Variants in TNFRSF21 observed in about 807,000 individuals in gnomAD.
TNFRSF21 encodes TNF receptor superfamily member 21.
TNFRSF21 carries 19 observed loss-of-function variants against 45.6 expected under a neutral mutation model. That is an observed-to-expected ratio of 0.42 (90% confidence interval 0.29 to 0.61). The LOEUF (loss-of-function observed/expected upper bound fraction) is 0.61. Ranked by LOEUF, TNFRSF21 falls within the 20% of genes least tolerant of loss-of-function variation. The pLI is 0.23. For synonymous variants in TNFRSF21, 314 were observed against 335.5 expected, an observed-to-expected ratio of 0.94 and a Z score of 0.70; for missense variants, 737 against 851.5, an observed-to-expected ratio of 0.87 and a Z score of 1.67.
chr6:47,274,443 A>T (rs943389981), intron 3 of TNFRSF21, among the ~76,000 whole-genome samples: 1 of 152,208 alleles, frequency 6.6e-6, no homozygotes, highest in African/African-American at 2.4e-5. Context: ...CACATGTAGA[A>T]AGCTGAAACT....
chr6:47,261,988 T>C (rs1007929320), intron 3 of TNFRSF21, among the ~76,000 whole-genome samples: 1 of 152,218 alleles, frequency 6.6e-6, no homozygotes, highest in Non-Finnish European at 1.5e-5. Flanking sequence ...AAATAGTCCT[T>C]CCCTAACTGA....
Position 47,309,404 on chromosome 6 carries a change from G to A in TNFRSF21, c.96+12C>T. The A allele has an allele frequency of 2.0e-6, 3 of 1,533,450 alleles. No individual in the cohort carries two copies. The highest frequency in any genetic ancestry group is 2.6e-5 in the East Asian group (1 of 38,760). The allele number at this position is 1,533,450 out of a possible 1,614,324, so 95.0% of individuals were successfully genotyped here. On this transcript the variant is annotated intron_variant, in intron 1 of 5. Coordinates refer to ENST00000296861, the MANE Select transcript of TNFRSF21 (RefSeq NM_014452.5). Reference sequence around the variant, plus strand: ...GGCGCCGCCGCCACCCCCGGTCCACGCAAGCGCTCACCAGGAGAAGGGAGC... The same window carrying A: ...GGCGCCGCCGCCACCCCCGGTCCACACAAGCGCTCACCAGGAGAAGGGAGC...
chr6:47,284,093 A>G lies in TNFRSF21; in HGVS notation c.1088T>C (p.Val363Ala). ...MIVLFLLLVLVVIVVCSIRKS... is the reference protein window; with the variant it reads ...MIVLFLLLVLAVIVVCSIRKS... ...CCGGATACTGCACACCACAATCACC[A>G]CAAGCACCAGCAGCAGGAAAAGCAC... The change falls in exon 3 of 6, where the codon GTG becomes GCG. Residue 363 changes from valine (V) to alanine (A), a missense_variant. Transcript: ENST00000296861. 1 of 1,614,114 alleles carries G rather than the reference A, an allele frequency of 6.2e-7. No individual in the cohort carries two copies. The highest frequency in any genetic ancestry group is 1.3e-5 in the African/African-American group (1 of 75,020).
intron 3 of TNFRSF21, among the ~76,000 whole-genome samples, chr6:47,267,883 C>T (rs1762358986): frequency 6.6e-6 from 1 of 152,174 alleles, no homozygotes; most frequent in Non-Finnish European, 1.5e-5. Context: ...CTTTCTGAAT[C>T]TTGATTGCTT....
chr6:47,286,651 G>A (rs985496908), intron 1 of TNFRSF21, 56 bp from the exon 2 acceptor site: 2 of 1,524,332 alleles, frequency 1.3e-6, no homozygotes, highest in African/African-American at 1.4e-5. Flanking sequence ...TGTTACATAG[G>A]AGCAGAGCAG....
At chr6:47,301,046 A>G (rs1762859227) in intron 1 of TNFRSF21, among the ~76,000 whole-genome samples, 1 of 152,226 alleles carries the variant, frequency 6.6e-6, no homozygotes, top group Non-Finnish European at 1.5e-5. Context: ...ACACATAAAG[A>G]GAATTCTACA....
intron 5 of TNFRSF21, among the ~76,000 whole-genome samples, 172 bp downstream of exon 5, chr6:47,234,498 C>A (rs1481459070): frequency 6.6e-6 from 1 of 152,192 alleles, no homozygotes; most frequent in African/African-American, 2.4e-5. Context: ...CAGCCAATGG[C>A]GAGGTTACTC....
chr6:47,261,254 A>G (rs1304413571), intron 3 of TNFRSF21, among the ~76,000 whole-genome samples: 1 of 152,252 alleles, frequency 6.6e-6, no homozygotes, highest in Non-Finnish European at 1.5e-5. Flanking sequence ...GCCTGGCTTT[A>G]GCATTACTGG....
intron 2 of TNFRSF21, 73 bp downstream of exon 2, chr6:47,285,871 T>C (rs940024396): frequency 2.7e-6 from 4 of 1,503,996 alleles, no homozygotes; most frequent in East Asian, 2.3e-5. Flanking sequence ...ACATCTTTGG[T>C]ATAAGCCCAC....
intron 1 of TNFRSF21, among the ~76,000 whole-genome samples, chr6:47,304,560 A>G (rs1490962033): frequency 6.6e-6 from 1 of 152,238 alleles, no homozygotes; most frequent in Non-Finnish European, 1.5e-5. Context: ...GCATACCTGG[A>G]GAAAAGGACT....
rs1764597299 is a variant in TNFRSF21, at chr6:47,232,478, G to T, written c.*287C>A. On this transcript the variant is annotated 3_prime_UTR_variant, in exon 6 of 6. Transcript: ENST00000296861. Reference sequence around the variant, plus strand: ...TAAGAAGGCAAAATGGAGAAAATATGGAACTTAAAAAACTTTAGTGGTGGG... The same window carrying T: ...TAAGAAGGCAAAATGGAGAAAATATTGAACTTAAAAAACTTTAGTGGTGGG... 2 of 335,260 alleles carry T rather than the reference G, an allele frequency of 6.0e-6. 1 individual carries two copies. Among genetic ancestry groups the T allele is most frequent in the South Asian group, 1.3e-4 (2 of 15,952 alleles). 20.8% of individuals were successfully genotyped at this position (335,260 alleles called of 1,614,324 possible). A position where few individuals can be genotyped will look rare whatever the true frequency, so the allele number is the denominator to read the frequency against.
chr6:47,239,395 A>T (rs931081435), intron 4 of TNFRSF21, among the ~76,000 whole-genome samples: 1 of 151,962 alleles, frequency 6.6e-6, no homozygotes, highest in African/African-American at 2.4e-5. Context: ...TCCTGAGATG[A>T]CACACTGGTG....
At chr6:47,270,432 GA>G (rs1762398418) in intron 3 of TNFRSF21, among the ~76,000 whole-genome samples, 1 of 152,212 alleles carries the variant, frequency 6.6e-6, no homozygotes, top group Non-Finnish European at 1.5e-5. Flanking sequence ...CTGACTGTTA[GA>G]AGGAAAACTA....
chr6:47,301,351 A>C (rs1561953750), intron 1 of TNFRSF21, among the ~76,000 whole-genome samples: 1 of 152,254 alleles, frequency 6.6e-6, no homozygotes, highest in Non-Finnish European at 1.5e-5. Flanking sequence ...TTTTCAAATG[A>C]GGAAACACAC....
chr6:47,255,459 G>T lies in TNFRSF21; in HGVS notation c.1244-1938C>A, dbSNP rs527667215. Among the ~76,000 whole-genome samples the T allele has an allele frequency of 3.6e-3, 528 of 146,356 alleles. 1 individual carries two copies. Among genetic ancestry groups the T allele is most frequent in the African/African-American group, 0.013 (508 of 40,152 alleles). On this transcript the variant is annotated intron_variant, in intron 3 of 5. Transcript: ENST00000296861. ...CCTCTGAATCAATGTCATGTCTTTG[G>T]TTTTTTTTTTTGTTTTTTTGAGATG...
chr6:47,247,188 C>T (rs544605000), intron 4 of TNFRSF21, among the ~76,000 whole-genome samples: 73 of 152,324 alleles, frequency 4.8e-4, no homozygotes, highest in African/African-American at 1.7e-3. Context: ...GCAATGACAA[C>T]TTTAAACACA....
chr6:47,298,967 C>T (rs540922563), intron 1 of TNFRSF21, among the ~76,000 whole-genome samples: 13 of 152,320 alleles, frequency 8.5e-5, no homozygotes, highest in Admixed American at 2.6e-4. Context: ...TTTACTCATG[C>T]AATGAGTATT....
intron 1 of TNFRSF21, among the ~76,000 whole-genome samples, chr6:47,297,330 A>T (rs1762801894): frequency 6.6e-6 from 1 of 152,224 alleles, no homozygotes; most frequent in Non-Finnish European, 1.5e-5. Context: ...TTTGAGAATT[A>T]ATTGTTAATA....
In TNFRSF21 at chr6:47,253,266, T is replaced by C; in HGVS notation, c.1499A>G (p.Asp500Gly). The C allele has an allele frequency of 6.2e-7, 1 of 1,612,860 alleles. No homozygotes were observed. The highest frequency in any genetic ancestry group is 8.5e-7 in the Non-Finnish European group (1 of 1,179,254). The change falls in exon 4 of 6, where the codon GAC becomes GGC. Residue 500 changes from aspartate (D) to glycine (G), a missense_variant. By Grantham distance (94) the Asp-to-Gly change is moderately conservative (BLOSUM62 -1). Transcript: ENST00000296861. ...VVEKIRGLME[D>G]TTQLETDKLA... The stretch of plus-strand genomic sequence containing the variant: ...CAAGGGCTCCATTACCTGGGTGGTG[T>C]CTTCCATCAGCCCACGAATCTTCTC...
Sources: allele counts gnomAD v4.1 joint callset (sites outside exome capture counted in the v4.1 genomes callset), GRCh38; gene constraint gnomAD v4.1.1; transcripts MANE v1.5; gene names NCBI Gene and HGNC (gene_info 2026-07-23, HGNC 2026-07-21).